CCPG1: variants seen among roughly 807,000 people sequenced by gnomAD.
CCPG1 encodes cell cycle progression protein 1.
In CCPG1, 46 loss-of-function variants were observed where a neutral mutation model predicts 81.3. That is an observed-to-expected ratio of 0.57 (90% CI 0.45 to 0.72). The LOEUF (loss-of-function observed/expected upper bound fraction) is 0.72. CCPG1 is among the 30% of genes least tolerant of loss of function. The pLI is 0.00. For missense variants in CCPG1, 902 were observed against 937.6 expected (o/e 0.96, Z 0.50); for synonymous variants, 330 against 305.2 (o/e 1.08, Z -0.85).
chr15:55,372,107 T>C (rs2056461654), intron 5 of CCPG1, 63 bp from the exon 6 acceptor site: 1 of 1,491,664 alleles, frequency 6.7e-7, no homozygotes, highest in Non-Finnish European at 9.2e-7. Context: ...CCAGTAAAAA[T>C]TATTTAGAAT....
intron 5 of CCPG1, among the ~76,000 whole-genome samples, chr15:55,374,641 ATT>A (rs1379256969): frequency 1.3e-5 from 2 of 152,100 alleles, no homozygotes; most frequent in African/African-American, 4.8e-5. Flanking sequence ...CATCTTTTTT[ATT>A]TTTTTGAGAC....
chr15:55,389,979 G>A (rs2056882072), intron 1 of CCPG1, among the ~76,000 whole-genome samples: 1 of 152,182 alleles, frequency 6.6e-6, no homozygotes, highest in Non-Finnish European at 1.5e-5. Flanking sequence ...GTTGGAGTGC[G>A]GTGGCACGAT....
At chr15:55,383,580 C>G (rs1310862067) in intron 3 of CCPG1, among the ~76,000 whole-genome samples, 1 of 152,242 alleles carries the variant, frequency 6.6e-6, no homozygotes, top group African/African-American at 2.4e-5. Flanking sequence ...GTCATCTATA[C>G]TGAAAATCTG....
intron 1 of CCPG1, among the ~76,000 whole-genome samples, chr15:55,403,731 AAT>A (rs758962125): frequency 1.7e-4 from 26 of 152,206 alleles, no homozygotes; most frequent in Non-Finnish European, 3.5e-4. Flanking sequence ...AATTTGTGAA[AAT>A]GTAATCCTTT....
chr15:55,401,498 C>G (rs1383761008), intron 1 of CCPG1, among the ~76,000 whole-genome samples: 2 of 152,110 alleles, frequency 1.3e-5, no homozygotes, highest in South Asian at 4.1e-4. Context: ...GAAACTCCGT[C>G]TCTACTAAAA....
intron 1 of CCPG1, among the ~76,000 whole-genome samples, chr15:55,402,307 A>T (rs1278385112): frequency 6.6e-6 from 1 of 152,142 alleles, no homozygotes; most frequent in African/African-American, 2.4e-5. Context: ...AGCTCACTGT[A>T]ACCTCAAACT....
chr15:55,359,810 C>T lies in CCPG1; in HGVS notation c.1963G>A (p.Glu655Lys). ...TACCTTTGAATTATCTGTCTAAATT[C>T]ATCCATCCTTATAGGATTCACCACT... ...NTVVNPIRMD[E>K]FRQIIQRYML... is the part of the protein sequence containing the mutation. The change falls in exon 8 of 9, where the codon GAA becomes AAA. Residue 655 changes from glutamate to lysine, a missense_variant. This residue lies in a region of CCPG1 where 746 missense variants were observed against 728.6 expected (regional missense o/e 1.02). Transcript: ENST00000442196. 1 of 1,613,216 alleles carries T rather than the reference C, an allele frequency of 6.2e-7. No homozygotes were observed.
intron 1 of CCPG1, among the ~76,000 whole-genome samples, chr15:55,397,167 TGG>T (rs2057034900): frequency 6.6e-6 from 1 of 151,002 alleles, no homozygotes; most frequent in Non-Finnish European, 1.5e-5. Context: ...TGAGCCGAGA[TGG>T]CGCCACTGCA....
intron 1 of CCPG1, among the ~76,000 whole-genome samples, chr15:55,392,831 G>A (rs959592742): frequency 6.6e-6 from 1 of 152,174 alleles, no homozygotes; most frequent in Non-Finnish European, 1.5e-5. Context: ...TTGGCCAGGT[G>A]CAGTGGCTCA....
chr15:55,394,078 C>T (rs781230318), intron 1 of CCPG1, among the ~76,000 whole-genome samples: 10 of 152,178 alleles, frequency 6.6e-5, no homozygotes, highest in Non-Finnish European at 1.2e-4. Flanking sequence ...CAGCCTCAAA[C>T]TCCCAGGTTC....
rs2056349902 is a variant in CCPG1, at chr15:55,367,274, T to G, written c.707-1965A>C. 2.6e-5 allele frequency among the ~76,000 whole-genome samples: 4 copies of G among 152,238 alleles called. No homozygotes were observed. In the South Asian group the frequency reaches 8.3e-4, roughly 31 times the overall value. ...AATTTCTATTTCAAACTGCTGAGAT[T>G]AATTCCTTTGCCCACTGGAAAATAA... is the stretch of plus-strand genomic sequence containing the variant. On this transcript the variant is annotated intron_variant, in intron 6 of 8. Transcript: ENST00000442196.
chr15:55,374,043 C>A, intron 5 of CCPG1: 1 of 460,384 alleles, frequency 2.2e-6, no homozygotes, highest in Non-Finnish European at 3.7e-6. Context: ...ATTCTGAACA[C>A]CTGTTTAGAG....
rs1446942596 is a variant in CCPG1, at chr15:55,360,124, T to C, written c.1649A>G (p.Lys550Arg). 5.0e-6 allele frequency: 8 copies of C among 1,613,932 alleles called. No individual in the cohort carries two copies. The highest frequency in any genetic ancestry group is 6.8e-6 in the Non-Finnish European group (8 of 1,179,964). Reference protein sequence around the residue: ...TKNIFDEKGNKRFGATKEAAE... With the variant: ...TKNIFDEKGNRRFGATKEAAE... The stretch of plus-strand genomic sequence containing the variant: ...TGCTTCTTTTGTAGCACCAAATCTT[T>C]TATTACCCTTTTCATCAAAGATATT... Residue 550 changes from lysine to arginine, a missense_variant, in exon 8 of 9, where the codon AAA (lysine) becomes AGA (arginine). Coordinates refer to ENST00000442196, the MANE Select transcript of CCPG1 (RefSeq NM_001204450.2).
At chr15:55,406,927 G>GA (rs1369809961) in intron 1 of CCPG1, among the ~76,000 whole-genome samples, 1 of 151,720 alleles carries the variant, frequency 6.6e-6, no homozygotes, top group African/African-American at 2.4e-5. Flanking sequence ...TAAAAATTAT[G>GA]AATTAACGCC....
Position 55,356,108 on chromosome 15 carries a change from G to C in CCPG1, c.*112C>G. The C allele has an allele frequency of 1.2e-6, 1 of 821,874 alleles. No individual in the cohort carries two copies. Among genetic ancestry groups the C allele is most frequent in the Admixed American group, 3.3e-5 (1 of 30,008 alleles). 50.9% of individuals were successfully genotyped at this position (821,874 alleles called of 1,614,324 possible). A position where few individuals can be genotyped will look rare whatever the true frequency, so the allele number is the denominator to read the frequency against. On this transcript the variant is annotated 3_prime_UTR_variant, in exon 9 of 9. Transcript: ENST00000442196. ...TATAAAGTTATCAAACTGATACTTA[G>C]AAACAAAAGAAAAGACATTGTCATC... is the stretch of plus-strand genomic sequence containing the variant.
In CCPG1 at chr15:55,360,067, T is replaced by C. The variant is rs1433592504; in HGVS notation, c.1706A>G (p.Tyr569Cys). ...AEKPRTVFSD[Y>C]LHPQYKAPTE... ...AGGTGCCTTATACTGTGGATGTAAA[T>C]AGTCACTAAAAACTGTTCTTGGTTT... The change falls in exon 8 of 9, where the codon TAT (tyrosine) becomes TGT (cysteine). Residue 569 changes from tyrosine to cysteine, a missense_variant. Physicochemically the swap from Tyr to Cys is radical, Grantham distance 194. Around this residue, in one of 3 missense-constraint regions of CCPG1, gnomAD observed 746 missense variants for 728.6 expected, o/e 1.02. Coordinates refer to ENST00000442196, the MANE Select transcript of CCPG1 (RefSeq NM_001204450.2). The C allele has an allele frequency of 5.6e-6, 9 of 1,613,750 alleles. No individual in the cohort carries two copies. Among genetic ancestry groups the C allele is most frequent in the Middle Eastern group, 1.6e-4 (1 of 6,084 alleles).
At chr15:55,397,907 G>A (rs1157799836) in intron 1 of CCPG1, among the ~76,000 whole-genome samples, 5 of 152,076 alleles carry the variant, frequency 3.3e-5, no homozygotes, top group African/African-American at 1.2e-4. Context: ...AACTCGGGAG[G>A]TGGAGGTTGC....
chr15:55,368,733 A>G (rs1031315706), intron 6 of CCPG1, among the ~76,000 whole-genome samples: 1 of 152,238 alleles, frequency 6.6e-6, no homozygotes, highest in Non-Finnish European at 1.5e-5. Flanking sequence ...TCTTCCCTGC[A>G]GTATAGATCT....
intron 3 of CCPG1, among the ~76,000 whole-genome samples, chr15:55,380,195 A>T (rs1259060759): frequency 6.6e-6 from 1 of 151,936 alleles, no homozygotes; most frequent in East Asian, 1.9e-4. Flanking sequence ...AAATATCAAC[A>T]GTAATTATTT....
Sources: gnomAD v4.1 joint callset for allele counts (sites outside exome capture counted in the v4.1 genomes callset) on GRCh38, gnomAD v4.1.1 for gene constraint, gnomAD v4.1.1 regional missense constraint, MANE v1.5 for transcripts, NCBI Gene and HGNC (gene_info 2026-07-23, HGNC 2026-07-21) for gene names.